SLC20A2: variants seen among roughly 807,000 people sequenced by gnomAD.
The protein encoded by SLC20A2 is sodium-dependent phosphate transporter 2.
A neutral mutation model predicts 61.0 loss-of-function variants in SLC20A2; 30 were observed. The observed-to-expected ratio is 0.49, with a 90% CI of 0.37 to 0.67. The LOEUF is 0.67. Ranked by LOEUF, SLC20A2 falls within the 30% of genes least tolerant of loss-of-function variation. The pLI is 0.00. For missense variants in SLC20A2, 626 were observed against 866.4 expected (o/e 0.72, Z 3.48); for synonymous variants, 351 against 353.3 (o/e 0.99, Z 0.07).
chr8:42,466,082 T>A (rs181835954), intron 2 of SLC20A2, among the ~76,000 whole-genome samples, 165 bp from the exon 3 acceptor site: 1 of 152,202 alleles, frequency 6.6e-6, no homozygotes, highest in Non-Finnish European at 1.5e-5. Context: ...CTCAATTAAC[T>A]TCAGTTAAAG....
At chr8:42,504,714 G>A (rs140695543), upstream of SLC20A2, among the ~76,000 whole-genome samples, 2,464 of 150,938 alleles carry the variant, frequency 0.016, 61 homozygotes, top group African/African-American at 0.056. Context: ...GCATGGTGGC[G>A]CACGCCTGTA....
rs1172370206 is a variant in SLC20A2, at chr8:42,444,725, G to A, written c.651C>T (p.Leu217=). 3 of 1,613,862 alleles carry A rather than the reference G, an allele frequency of 1.9e-6. No individual in the cohort carries two copies. Among genetic ancestry groups the A allele is most frequent in the African/African-American group, 1.3e-5 (1 of 74,934 alleles). Reference sequence around the variant, plus strand: ...ACAGGAGGGCGACACCAAAGGAAATGAGGGCTATGGCCCACATGGGGAGAA... The same window carrying A: ...ACAGGAGGGCGACACCAAAGGAAATAAGGGCTATGGCCCACATGGGGAGAA... The part of the protein sequence containing the change: ...GLVLPMWAIA[L]ISFGVALLFA... Residue 217 remains leucine, a synonymous_variant, in exon 6 of 11, where the codon CTC becomes CTT. Transcript: ENST00000520262.
At chr8:42,503,411 A>G (rs374643920), upstream of SLC20A2, among the ~76,000 whole-genome samples, 1 of 152,238 alleles carries the variant, frequency 6.6e-6, no homozygotes, top group East Asian at 1.9e-4. Context: ...CCATGAAATT[A>G]AAGAAAATTA....
chr8:42,418,753 C>A (rs1172763672), intron 10 of SLC20A2, among the ~76,000 whole-genome samples: 3 of 151,510 alleles, frequency 2.0e-5, no homozygotes, highest in Admixed American at 6.6e-5. Context: ...AATCCCAGCA[C>A]TTTGGGAGGC....
At chr8:42,423,887 T>C (rs1180245527) in intron 10 of SLC20A2, among the ~76,000 whole-genome samples, 2 of 152,170 alleles carry the variant, frequency 1.3e-5, no homozygotes, top group African/African-American at 4.8e-5. Context: ...ATCAGGTACT[T>C]ATAGCAAAAA....
At chr8:42,484,713 C>T (rs1808810234) in intron 1 of SLC20A2, 1 of 381,958 alleles carries the variant, frequency 2.6e-6, no homozygotes, top group South Asian at 2.4e-5. Context: ...TGGGTGTGGT[C>T]TATGGCTGGC....
At chr8:42,507,761 G>A (rs1004977003) in intron 1 of SLC20A2, among the ~76,000 whole-genome samples, 1 of 152,146 alleles carries the variant, frequency 6.6e-6, no homozygotes, top group African/African-American at 2.4e-5. Flanking sequence ...ACTGTCCCAC[G>A]GTCCATAAAC....
intron 5 of SLC20A2, among the ~76,000 whole-genome samples, chr8:42,450,537 T>C (rs1351374521): frequency 1.3e-5 from 2 of 151,806 alleles, no homozygotes; most frequent in African/African-American, 4.8e-5. Flanking sequence ...CCTCTTTTTT[T>C]GTTTGAGATG....
chr8:42,468,141 A>G (rs1807333736), intron 2 of SLC20A2, among the ~76,000 whole-genome samples: 1 of 152,020 alleles, frequency 6.6e-6, no homozygotes, highest in Non-Finnish European at 1.5e-5. Flanking sequence ...TGACCTCATG[A>G]TCCGCCTGCC....
At chr8:42,418,017 C>T (rs749072912) in intron 10 of SLC20A2, 50 bp from the exon 11 acceptor site, 16 of 1,525,938 alleles carry the variant, frequency 1.0e-5, no homozygotes, top group Admixed American at 5.2e-5. Flanking sequence ...ACAAAGGCTA[C>T]ACTCTACCAA....
chr8:42,487,278 C>T (rs966193501), intron 1 of SLC20A2, among the ~76,000 whole-genome samples: 2 of 149,602 alleles, frequency 1.3e-5, no homozygotes, highest in Admixed American at 6.7e-5. Flanking sequence ...CCCGGGTTCA[C>T]GCCATTCTCC....
chr8:42,496,841 G>A (rs1002178740), intron 1 of SLC20A2, among the ~76,000 whole-genome samples: 6 of 152,122 alleles, frequency 3.9e-5, no homozygotes, highest in Admixed American at 3.3e-4. Context: ...GTGAAGACAG[G>A]GACGGACCAA....
chr8:42,487,176 C>CT (rs553949254), intron 1 of SLC20A2, among the ~76,000 whole-genome samples: 1,219 of 98,054 alleles, frequency 0.012, 14 homozygotes, highest in Non-Finnish European at 0.017. Flanking sequence ...TGGTTTCTTT[C>CT]TTTTTTTTTT....
At chr8:42,513,591 T>C (rs1023453847) in intron 1 of SLC20A2, among the ~76,000 whole-genome samples, 11 of 152,264 alleles carry the variant, frequency 7.2e-5, no homozygotes, top group South Asian at 2.1e-4. Context: ...CCCAACCCCA[T>C]AGATTTCCTG....
chr8:42,438,786 G>T (rs953014405), intron 7 of SLC20A2, among the ~76,000 whole-genome samples: 1 of 151,998 alleles, frequency 6.6e-6, no homozygotes, highest in Non-Finnish European at 1.5e-5. Context: ...GCGCAATCTC[G>T]GCTCACTGCA....
chr8:42,432,299 G>A (rs1341895704), intron 8 of SLC20A2, among the ~76,000 whole-genome samples: 2 of 152,208 alleles, frequency 1.3e-5, no homozygotes, highest in African/African-American at 4.8e-5. Context: ...CTGCAGATGT[G>A]GTGGAAACAG....
In SLC20A2 at chr8:42,430,371, C is replaced by CT. The variant is rs770106630; in HGVS notation, c.1524-123dup. On this transcript the variant is annotated intron_variant, in intron 8 of 10. Coordinates refer to ENST00000520262, the MANE Select transcript of SLC20A2 (RefSeq NM_001257180.2). ...CTCCACAGATATGATGTTTTTCTTT[C>CT]TTTTTTTTTGAGACAGAGTCTTGCT... 2,990 of 879,046 alleles carry CT rather than the reference C, an allele frequency of 3.4e-3. 6 individuals are homozygous for CT. The highest frequency in any genetic ancestry group is 3.1e-3 in the South Asian group (161 of 51,160). 54.5% of individuals were successfully genotyped at this position (879,046 alleles called of 1,614,324 possible).
At position 42,472,375 on chromosome 8, in the gene SLC20A2, A is replaced by C; in HGVS notation, c.16T>G (p.Tyr6Asp). The C allele has an allele frequency of 6.2e-7, 1 of 1,612,300 alleles. No individual in the cohort carries two copies. The highest frequency in any genetic ancestry group is 8.5e-7 in the Non-Finnish European group (1 of 1,178,540). Residue 6 changes from tyrosine to aspartate, a missense_variant, in exon 2 of 11, where the codon TAT (tyrosine) becomes GAT (aspartate). Tyr to Asp is a radical substitution (Grantham distance 160). Around this residue, in one of 3 missense-constraint regions of SLC20A2, gnomAD observed 127 missense variants for 215.4 expected, o/e 0.59. Coordinates refer to ENST00000520262, the MANE Select transcript of SLC20A2 (RefSeq NM_001257180.2). The surrounding 1 kb of genome is among the most constrained non-coding windows in gnomAD (Gnocchi z 4.1). ...AAACCCAAAATGACCATCCACAAAT[A>C]CTCATCCATGGCCATTTTGGAAAGT... is the stretch of plus-strand genomic sequence containing the variant. MAMDE[Y>D]LWMVILGFII...
chr8:42,444,821 A>C, intron 5 of SLC20A2, 59 bp from the exon 6 acceptor site: 1 of 1,279,396 alleles, frequency 7.8e-7, no homozygotes, highest in Non-Finnish European at 1.1e-6. Flanking sequence ...GTCAGGCCTC[A>C]GGGCGGTGGA....
Sources: allele counts gnomAD v4.1 joint callset (sites outside exome capture counted in the v4.1 genomes callset), GRCh38; gene constraint gnomAD v4.1.1; regional missense constraint gnomAD v4.1.1; non-coding constraint Gnocchi (gnomAD v3.1); transcripts MANE v1.5; gene names NCBI Gene and HGNC (gene_info 2026-07-23, HGNC 2026-07-21).